The following SPAG6 variants were observed in gnomAD, a reference collection of about 807,000 sequenced individuals.
SPAG6 encodes the protein sperm-associated antigen 6.
SPAG6 carries 49 observed loss-of-function variants against 58.5 expected under a neutral mutation model. The ratio of observed to expected loss-of-function variants is 0.84; its 90% CI spans 0.67 to 1.06. The LOEUF is 1.06. SPAG6 is among the 50% of genes least tolerant of loss of function. The pLI is 0.00. For synonymous variants in SPAG6, 233 were observed against 225.6 expected (o/e 1.03, Z -0.29); for missense variants, 560 against 611.3 (o/e 0.92, Z 0.89).
intron 2 of SPAG6, among the ~76,000 whole-genome samples, chr10:22,361,678 A>C: frequency 6.6e-6 from 1 of 152,270 alleles, no homozygotes; most frequent in East Asian, 1.9e-4. Context: ...AGAGTAAGTG[A>C]GACTCCGTCT....
chr10:22,348,922 TC>T (rs1002711274), intron 2 of SPAG6, among the ~76,000 whole-genome samples: 21 of 152,192 alleles, frequency 1.4e-4, no homozygotes, highest in African/African-American at 5.1e-4. Flanking sequence ...AACCTCTGCC[TC>T]CCAGGCTCAA....
chr10:22,376,273 G>C (rs1833812840), intron 4 of SPAG6, among the ~76,000 whole-genome samples: 1 of 152,048 alleles, frequency 6.6e-6, no homozygotes, highest in Non-Finnish European at 1.5e-5. Flanking sequence ...ATACACACTA[G>C]ATTCCAAGGC....
chr10:22,351,831 A>T (rs1275220313), intron 2 of SPAG6, among the ~76,000 whole-genome samples: 1 of 152,146 alleles, frequency 6.6e-6, no homozygotes, highest in Non-Finnish European at 1.5e-5. Context: ...GCTTTCTTTC[A>T]TAAGGATGGC....
rs776198268 is a variant in SPAG6, at chr10:22,378,055, C to CTTTTTTTTTTTTTTTTT, written c.473-8695_473-8679dup. On this transcript the variant is annotated intron_variant, in intron 4 of 10. Transcript: ENST00000376624. ...TACAGATCTTTTTTTCTTTTCTTTT[C>CTTTTTTTTTTTTTTTTT]TTTTTTTTTTTTTTTTTTTTCTTTT... Among the ~76,000 whole-genome samples the CTTTTTTTTTTTTTTTTT allele has an allele frequency of 4.8e-4, 59 of 123,012 alleles. 1 individual carries two copies. Among genetic ancestry groups the CTTTTTTTTTTTTTTTTT allele is most frequent in the African/African-American group, 1.1e-3 (34 of 31,428 alleles). 80.7% of individuals were successfully genotyped at this position (123,012 alleles called of 152,430 possible).
At chr10:22,349,577 C>T (rs1836662429) in intron 2 of SPAG6, among the ~76,000 whole-genome samples, 1 of 152,146 alleles carries the variant, frequency 6.6e-6, no homozygotes, top group Non-Finnish European at 1.5e-5. Flanking sequence ...CTAATAGAAG[C>T]TCCAAGAAAA....
chr10:22,391,688 C>T (rs1306621239), intron 7 of SPAG6, 41 bp from the exon 8 acceptor site: 2 of 1,578,342 alleles, frequency 1.3e-6, no homozygotes. Flanking sequence ...TTTAATCCTG[C>T]TCTAGATTCA....
chr10:22,352,407 TA>T (rs963761935), intron 2 of SPAG6, among the ~76,000 whole-genome samples: 1 of 152,010 alleles, frequency 6.6e-6, no homozygotes, highest in Non-Finnish European at 1.5e-5. Flanking sequence ...AGGGATTACT[TA>T]AAAAAAATAG....
intron 9 of SPAG6, among the ~76,000 whole-genome samples, chr10:22,402,207 G>A (rs929009557): frequency 4.0e-5 from 6 of 151,854 alleles, no homozygotes; most frequent in East Asian, 1.9e-4. Context: ...TATTAAGCAC[G>A]CAAAAGAACA....
In SPAG6 at chr10:22,389,310, A is replaced by G. The variant is rs1206820732; in HGVS notation, c.1003A>G (p.Lys335Glu). Residue 335 changes from lysine (K) to glutamate (E), a missense_variant and splice_region_variant, in exon 7 of 11, where the codon AAG becomes GAG. By Grantham distance (56) the Lys-to-Glu change is moderately conservative. Transcript: ENST00000376624. ...CCTAGCAATGGCAGTCATCATTTCT[A>G]AGGTTTGTTCTTGCTTCGTTTTCTT... ...ENLAMAVIISKGVPQLSVCLS... is the reference protein window; with the variant it reads ...ENLAMAVIISEGVPQLSVCLS... 2 of 1,611,466 alleles carry G rather than the reference A, an allele frequency of 1.2e-6. No homozygotes were observed. Among genetic ancestry groups the G allele is most frequent in the Non-Finnish European group, 1.7e-6 (2 of 1,179,252 alleles).
intron 4 of SPAG6, among the ~76,000 whole-genome samples, chr10:22,381,618 C>T (rs1833959303): frequency 6.6e-6 from 1 of 151,880 alleles, no homozygotes; most frequent in Admixed American, 6.6e-5. Context: ...AGACAACTAG[C>T]CGTGACATAA....
chr10:22,387,917 C>G lies in SPAG6; in HGVS notation c.773C>G (p.Thr258Ser). Reference protein sequence around the residue: ...VEAEIFPVVLTCLKDKDEYVK... With the variant: ...VEAEIFPVVLSCLKDKDEYVK... The stretch of plus-strand genomic sequence containing the variant: ...GCAGAGATTTTTCCAGTTGTACTTA[C>G]CTGTCTGAAGGACAAGGATGAATAC... The change falls in exon 6 of 11, where the codon ACC (threonine) becomes AGC (serine). Residue 258 changes from threonine to serine, a missense_variant. Transcript: ENST00000376624. The G allele has an allele frequency of 6.2e-7, 1 of 1,613,214 alleles. No homozygotes were observed. Among genetic ancestry groups the G allele is most frequent in the South Asian group, 1.1e-5 (1 of 91,014 alleles).
chr10:22,384,587 CAA>C (rs1834026945), intron 4 of SPAG6, among the ~76,000 whole-genome samples: 1 of 152,094 alleles, frequency 6.6e-6, no homozygotes, highest in Admixed American at 6.6e-5. Flanking sequence ...GTGTGCTACT[CAA>C]GAGCAGTAGA....
chr10:22,407,793 G>A (rs1320376286), intron 9 of SPAG6, among the ~76,000 whole-genome samples: 3 of 151,952 alleles, frequency 2.0e-5, no homozygotes, highest in Non-Finnish European at 2.9e-5. Context: ...CGTAGATTTG[G>A]TCTTTTCACA....
At chr10:22,401,952 A>G (rs185286654) in intron 9 of SPAG6, among the ~76,000 whole-genome samples, 17 of 152,306 alleles carry the variant, frequency 1.1e-4, no homozygotes, top group Admixed American at 1.0e-3. Context: ...TGCTCAGTGA[A>G]TTTGACTTAG....
chr10:22,361,506 G>A (rs1166234050), intron 2 of SPAG6: 1 of 152,212 alleles, frequency 6.6e-6, no homozygotes, highest in Admixed American at 6.6e-5. Flanking sequence ...GACCAGCTTG[G>A]CCAACATGGG....
At chr10:22,354,479 T>C (rs139953775) in intron 2 of SPAG6, among the ~76,000 whole-genome samples, 1 of 152,264 alleles carries the variant, frequency 6.6e-6, no homozygotes, top group African/African-American at 2.4e-5. Flanking sequence ...TGATGTAGAG[T>C]GCTAGGGCTC....
At chr10:22,346,490 C>CTTCTTCTTCTTCTTCTTCTTCT (rs1554776496) in intron 2 of SPAG6, among the ~76,000 whole-genome samples, 1 of 135,536 alleles carries the variant, frequency 7.4e-6, no homozygotes, top group African/African-American at 3.5e-5. Flanking sequence ...TCTTCTTCTT[C>CTTCTTCTTCTTCTTCTTCTTCT]TTCTTCTTTC....
At chr10:22,410,322 C>T (rs929494433) in intron 9 of SPAG6, among the ~76,000 whole-genome samples, 3 of 152,100 alleles carry the variant, frequency 2.0e-5, no homozygotes, top group Non-Finnish European at 4.4e-5. Flanking sequence ...TTGTGACAGA[C>T]ATATAATGGA....
In SPAG6 at chr10:22,385,318, C is replaced by A. The variant is rs375977755; in HGVS notation, c.473-1436C>A. 2.4e-4 allele frequency among the ~76,000 whole-genome samples: 36 copies of A among 152,196 alleles called. 2 individuals carry two copies. The highest frequency in any genetic ancestry group is 7.5e-4 in the African/African-American group (31 of 41,538). On this transcript the variant is annotated intron_variant, in intron 4 of 10. Transcript: ENST00000376624. ...CATCCCAGAGGCTGTTTCTGAGGAA[C>A]CTGTTGTATTGCTAGATTGATACTG... is the stretch of plus-strand genomic sequence containing the variant.
Sources: gnomAD v4.1 joint callset for allele counts (sites outside exome capture counted in the v4.1 genomes callset) on GRCh38, gnomAD v4.1.1 for gene constraint, MANE v1.5 for transcripts, NCBI Gene and HGNC (gene_info 2026-07-23, HGNC 2026-07-21) for gene names.